Variants in PCCA observed in about 807,000 individuals in gnomAD.
PCCA encodes the protein propionyl-CoA carboxylase alpha chain, mitochondrial.
Under a neutral mutation model 101.3 loss-of-function variants are expected in PCCA, and 74 were observed. The observed-to-expected ratio is 0.73, with a 90% CI of 0.61 to 0.89. PCCA has a LOEUF of 0.89. PCCA is among the 40% of genes least tolerant of loss of function. The pLI is 0.00. For synonymous variants in PCCA, 294 were observed against 313.6 expected, an observed-to-expected ratio of 0.94 and a Z score of 0.66; for missense variants, 891 against 907.0, an observed-to-expected ratio of 0.98 and a Z score of 0.23.
intron 19 of PCCA, among the ~76,000 whole-genome samples, chr13:100,407,434 A>T (rs1011892813): frequency 2.0e-5 from 3 of 152,236 alleles, no homozygotes; most frequent in African/African-American, 7.2e-5. Flanking sequence ...ATTACCATAA[A>T]TTATTTATTT....
At chr13:100,427,150 G>C (rs1237457003) in intron 20 of PCCA, among the ~76,000 whole-genome samples, 2 of 152,216 alleles carry the variant, frequency 1.3e-5, no homozygotes, top group African/African-American at 2.4e-5. Context: ...CTGGGAAGCA[G>C]AGGTTGCAGT....
intron 21 of PCCA, among the ~76,000 whole-genome samples, chr13:100,501,443 TAGG>T (rs1170242579): frequency 2.6e-5 from 4 of 152,216 alleles, no homozygotes; most frequent in South Asian, 2.1e-4. Context: ...CAGCTGAGTC[TAGG>T]AGAAGAAAGC....
intron 1 of PCCA, among the ~76,000 whole-genome samples, chr13:100,100,787 CT>C (rs35809308): frequency 0.45 from 64,217 of 144,034 alleles, 14,293 homozygotes; most frequent in East Asian, 0.69. Flanking sequence ...TCTACTTCTT[CT>C]TTTTTTTTTT....
At chr13:100,180,499 AAAAACAGCCCCAT>A (rs2056693526) in intron 6 of PCCA, among the ~76,000 whole-genome samples, 1 of 152,196 alleles carries the variant, frequency 6.6e-6, no homozygotes, top group South Asian at 2.1e-4. Flanking sequence ...TTCAGTATTG[AAAAACAGCCCCAT>A]AAGACAACCC....
At chr13:100,129,399 A>G (rs1324771104) in intron 4 of PCCA, among the ~76,000 whole-genome samples, 2 of 152,184 alleles carry the variant, frequency 1.3e-5, no homozygotes, top group South Asian at 4.1e-4. Context: ...ATTTTAGTTC[A>G]TAGGCTCTTT....
intron 4 of PCCA, among the ~76,000 whole-genome samples, chr13:100,140,332 G>A (rs1452116409): frequency 6.6e-6 from 1 of 152,148 alleles, no homozygotes; most frequent in Non-Finnish European, 1.5e-5. Flanking sequence ...TTCTCTCATT[G>A]TTTTGGCTCT....
At chr13:100,207,570 C>T (rs1372243025) in intron 6 of PCCA, among the ~76,000 whole-genome samples, 10 of 151,732 alleles carry the variant, frequency 6.6e-5, no homozygotes, top group African/African-American at 2.2e-4. Context: ...TTAGTAGAGA[C>T]GGGCTTTCAC....
chr13:100,162,665 T>C (rs566214679), intron 6 of PCCA, among the ~76,000 whole-genome samples: 268 of 151,486 alleles, frequency 1.8e-3, no homozygotes, highest in Non-Finnish European at 3.2e-3. Flanking sequence ...TGAAGGCAAA[T>C]CCTCACTTGG....
intron 8 of PCCA, among the ~76,000 whole-genome samples, chr13:100,256,236 AC>A (rs2062066301): frequency 6.6e-6 from 1 of 151,954 alleles, no homozygotes; most frequent in Non-Finnish European, 1.5e-5. Context: ...TAATCTCCTG[AC>A]CTCGTAATTC....
chr13:100,488,123 C>T (rs766159478), intron 21 of PCCA, among the ~76,000 whole-genome samples: 3 of 151,976 alleles, frequency 2.0e-5, no homozygotes, highest in East Asian at 1.9e-4. Context: ...GACGGAGGTT[C>T]GCTCTGGTTG....
chr13:100,317,809 A>G (rs1270650178), intron 16 of PCCA, among the ~76,000 whole-genome samples: 1 of 151,896 alleles, frequency 6.6e-6, no homozygotes, highest in African/African-American at 2.4e-5. Context: ...ACTGGTCTTG[A>G]ACTCCTGACC....
At chr13:100,479,397 C>T (rs1488240009) in intron 21 of PCCA, 2 of 152,250 alleles carry the variant, frequency 1.3e-5, no homozygotes, top group Middle Eastern at 3.4e-3. Context: ...CAGAAATCTA[C>T]GGATACCTTC....
At chr13:100,378,688 ATTCT>A (rs1595671330) in intron 19 of PCCA, among the ~76,000 whole-genome samples, 1 of 151,854 alleles carries the variant, frequency 6.6e-6, no homozygotes, top group East Asian at 1.9e-4. Context: ...ATGCTTTGAG[ATTCT>A]TTCTTCTGCT....
At chr13:100,454,668 A>C (rs942862058) in intron 21 of PCCA, among the ~76,000 whole-genome samples, 1 of 152,212 alleles carries the variant, frequency 6.6e-6, no homozygotes, top group Non-Finnish European at 1.5e-5. Flanking sequence ...TGTTTTTGTC[A>C]ATATTGATAA....
intron 21 of PCCA, among the ~76,000 whole-genome samples, chr13:100,495,758 G>A (rs991643892): frequency 6.6e-6 from 1 of 152,076 alleles, no homozygotes; most frequent in Non-Finnish European, 1.5e-5. Context: ...TAGCCTACAC[G>A]CTTTTAATCC....
rs927254082 is a variant in PCCA, at chr13:100,309,728, T to C, written c.1354-105T>C. On this transcript the variant is annotated intron_variant, in intron 15 of 23. Transcript: ENST00000376285. Reference sequence around the variant, plus strand: ...TGAACTATCATAAAATTTCGAGATATATTTAGAAATCTGTTATGAAATATT... The same window carrying C: ...TGAACTATCATAAAATTTCGAGATACATTTAGAAATCTGTTATGAAATATT... 18 of 726,336 alleles carry C rather than the reference T, an allele frequency of 2.5e-5. No individual in the cohort carries two copies. The African/African-American group carries it at 3.2e-4, about 13-fold the overall frequency. The allele number at this position is 726,336 out of a possible 1,614,324, so 45.0% of individuals were successfully genotyped here.
At chr13:100,097,003 A>G (rs1318144092) in intron 1 of PCCA, among the ~76,000 whole-genome samples, 1 of 152,192 alleles carries the variant, frequency 6.6e-6, no homozygotes, top group Non-Finnish European at 1.5e-5. Flanking sequence ...TCTGGCTAAC[A>G]TGGTGAAGGA....
chr13:100,440,340 T>G (rs1233087954), intron 20 of PCCA, among the ~76,000 whole-genome samples: 1 of 150,922 alleles, frequency 6.6e-6, no homozygotes. Flanking sequence ...ATACAAATGG[T>G]TGTCCACACA....
rs756370829 is a variant in PCCA at position 100,359,972 on chromosome 13, T to C, written c.1644-8500T>C. The stretch of plus-strand genomic sequence containing the variant: ...ATTGATTTTGAAATTTCTATGGAAA[T>C]GCAAAGGGACTTGTATTAGTCCATT... On this transcript the variant is annotated intron_variant, in intron 18 of 23. Transcript: ENST00000376285. Among the ~76,000 whole-genome samples the C allele has an allele frequency of 3.6e-4, 55 of 152,270 alleles. 2 individuals are homozygous for C. The highest frequency in any genetic ancestry group is 3.4e-3 in the Middle Eastern group (1 of 294).
Sources: allele counts gnomAD v4.1 joint callset (sites outside exome capture counted in the v4.1 genomes callset), GRCh38; gene constraint gnomAD v4.1.1; transcripts MANE v1.5; gene names NCBI Gene and HGNC (gene_info 2026-07-23, HGNC 2026-07-21).